The following ABLIM1 variants were observed in gnomAD, a reference collection of about 807,000 sequenced individuals.
ABLIM1 encodes the protein actin-binding LIM protein 1.
A neutral mutation model predicts 107.0 loss-of-function variants in ABLIM1; 40 were observed. The observed-to-expected ratio is 0.37, with a 90% CI of 0.29 to 0.49. The LOEUF (loss-of-function observed/expected upper bound fraction) is 0.49, where lower values mean the gene tolerates loss of function less well. Among genes scored for constraint, ABLIM1 ranks in the 20% least tolerant of loss-of-function variants. ABLIM1 has a pLI of 0.97. For missense variants in ABLIM1, 857 were observed against 1,008.5 expected (o/e 0.85, Z 2.04); for synonymous variants, 357 against 357.3 (o/e 1.00, Z 0.01).
At chr10:114,458,094 C>CTGTGTGTG (rs35469132) in intron 12 of ABLIM1, among the ~76,000 whole-genome samples, 53 of 149,382 alleles carry the variant, frequency 3.5e-4, no homozygotes, top group Non-Finnish European at 5.6e-4. Context: ...CAAAACTACT[C>CTGTGTGTG]TGTGTGTGTG....
intron 6 of ABLIM1, among the ~76,000 whole-genome samples, chr10:114,492,873 TA>T (rs1276301367): frequency 6.6e-6 from 1 of 152,200 alleles, no homozygotes; most frequent in African/African-American, 2.4e-5. Flanking sequence ...TACTTTCCTG[TA>T]AAAACTACAA....
chr10:114,784,696 A>G, the ABLIM1 span, among the ~76,000 whole-genome samples: 2 of 151,492 alleles, frequency 1.3e-5, no homozygotes, highest in African/African-American at 4.9e-5. Flanking sequence ...AAAAGAAAAA[A>G]AAAAAAAAAT....
chr10:114,452,522 T>C (rs1001363067), intron 13 of ABLIM1, among the ~76,000 whole-genome samples: 1 of 152,168 alleles, frequency 6.6e-6, no homozygotes, highest in Non-Finnish European at 1.5e-5. Flanking sequence ...TTTTATTAGG[T>C]AAGTTTAGAA....
In ABLIM1 at chr10:114,632,111, C is replaced by G. The variant is rs867260004; in HGVS notation, c.244+25846G>C. ...GCGGGCCCCGCTCCCATGCCCGCCC[C>G]GCTATCGCCCCCGCGCTCTTCTCCG... On this transcript the variant is annotated intron_variant, in intron 1 of 22. Coordinates refer to ENST00000533213, the MANE Select transcript of ABLIM1 (RefSeq NM_002313.7). 17 of 985,354 alleles carry G rather than the reference C, an allele frequency of 1.7e-5. No homozygotes were observed. In the South Asian group the frequency reaches 3.8e-4, roughly 22 times the overall value. The allele number at this position is 985,354 out of a possible 1,614,324, so 61.0% of individuals were successfully genotyped here. A position where few individuals can be genotyped will look rare whatever the true frequency, so the allele number is the denominator to read the frequency against.
chr10:114,441,127 G>A (rs2060135251), intron 18 of ABLIM1, 50 bp from the exon 19 acceptor site: 2 of 1,519,712 alleles, frequency 1.3e-6, no homozygotes, highest in South Asian at 1.2e-5. Context: ...TGATCGTTTT[G>A]GAGTCAGGTG....
chr10:114,670,853 A>G (rs1285408626), intron 1 of ABLIM1, among the ~76,000 whole-genome samples: 1 of 152,208 alleles, frequency 6.6e-6, no homozygotes, highest in African/African-American at 2.4e-5. Context: ...TACATATGCA[A>G]TTTGTAACTT....
chr10:114,713,672 C>T (rs969678154), intron 1 of ABLIM1, among the ~76,000 whole-genome samples: 2 of 152,180 alleles, frequency 1.3e-5, no homozygotes, highest in Non-Finnish European at 2.9e-5. Flanking sequence ...GGGCTGCTCC[C>T]CATTTCAATC....
At chr10:114,599,829 A>G (rs1226098420) in intron 2 of ABLIM1, among the ~76,000 whole-genome samples, 2 of 151,686 alleles carry the variant, frequency 1.3e-5, no homozygotes, top group Admixed American at 6.6e-5. Flanking sequence ...GAATAAATAA[A>G]ATAAAAAATA....
intron 1 of ABLIM1, among the ~76,000 whole-genome samples, chr10:114,737,754 T>G (rs1323365160): frequency 6.6e-6 from 1 of 151,554 alleles, no homozygotes; most frequent in African/African-American, 2.4e-5. Flanking sequence ...ATTCAAAGAG[T>G]TTCAAATGAT....
intron 8 of ABLIM1, chr10:114,485,232 G>A (rs1451861832): frequency 1.5e-6 from 2 of 1,311,182 alleles, no homozygotes; most frequent in African/African-American, 1.5e-5. Context: ...CAGCCCAGGG[G>A]AAAAGCAACA....
chr10:114,737,312 CA>C (rs1172742244), intron 1 of ABLIM1, among the ~76,000 whole-genome samples: 1 of 152,102 alleles, frequency 6.6e-6, no homozygotes, highest in Non-Finnish European at 1.5e-5. Flanking sequence ...GTCTCAAAAG[CA>C]AAACAAAACA....
At chr10:114,656,180 G>A (rs1414845065) in intron 1 of ABLIM1, among the ~76,000 whole-genome samples, 3 of 137,102 alleles carry the variant, frequency 2.2e-5, no homozygotes, top group African/African-American at 8.2e-5. Flanking sequence ...TGAGGCAGGA[G>A]AATCATTTGA....
intron 6 of ABLIM1, among the ~76,000 whole-genome samples, chr10:114,496,021 C>T (rs553005106): frequency 3.3e-5 from 5 of 152,236 alleles, no homozygotes; most frequent in South Asian, 2.1e-4. Context: ...AATAATGATA[C>T]GAATAACAAT....
At position 114,432,465 on chromosome 10, in the gene ABLIM1, A is replaced by G. The variant is rs577777159; in HGVS notation, c.*3795T>C. ...ACCCAGTTAGCTTTAAATGGTTTTT[A>G]GAAAGACTTACCTAGTCAAAAGTGG... On this transcript the variant is annotated 3_prime_UTR_variant, in exon 23 of 23. Coordinates refer to ENST00000533213, the MANE Select transcript of ABLIM1 (RefSeq NM_002313.7). 6.6e-6 allele frequency: 1 copy of G among 152,372 alleles called. No individual in the cohort carries two copies. The highest frequency in any genetic ancestry group is 1.9e-4 in the East Asian group (1 of 5,186). The allele number at this position is 152,372 out of a possible 1,614,324, so 9.4% of individuals were successfully genotyped here. A position where few individuals can be genotyped will look rare whatever the true frequency, so the allele number is the denominator to read the frequency against.
At chr10:114,515,401 C>T (rs1433161511) in intron 6 of ABLIM1, among the ~76,000 whole-genome samples, 1 of 152,128 alleles carries the variant, frequency 6.6e-6, no homozygotes, top group Non-Finnish European at 1.5e-5. Flanking sequence ...GCTGGGGGTA[C>T]AAGAGCCCTT....
At chr10:114,632,039 C>T in intron 1 of ABLIM1, 2 of 1,268,002 alleles carry the variant, frequency 1.6e-6, no homozygotes, top group Non-Finnish European at 2.1e-6. Flanking sequence ...GCCCCGGCAT[C>T]CGCTTGTGAG....
chr10:114,774,335 G>C, the ABLIM1 span, among the ~76,000 whole-genome samples: 1 of 152,172 alleles, frequency 6.6e-6, no homozygotes, highest in Non-Finnish European at 1.5e-5. Context: ...CTGACTAGAG[G>C]AAACTCCCAG....
the ABLIM1 span, among the ~76,000 whole-genome samples, chr10:114,797,887 T>C: frequency 6.6e-6 from 1 of 152,218 alleles, no homozygotes; most frequent in African/African-American, 2.4e-5. Context: ...AGTTATCTTA[T>C]CTACTTTATC....
chr10:114,734,194 C>A (rs1414128728), intron 1 of ABLIM1, among the ~76,000 whole-genome samples: 1 of 152,080 alleles, frequency 6.6e-6, no homozygotes, highest in Non-Finnish European at 1.5e-5. Flanking sequence ...GATTCAGTAA[C>A]TCTAACTGGT....
Sources: allele counts gnomAD v4.1 joint callset (sites outside exome capture counted in the v4.1 genomes callset), GRCh38; gene constraint gnomAD v4.1.1; transcripts MANE v1.5; gene names NCBI Gene and HGNC (gene_info 2026-07-23, HGNC 2026-07-21).